The following EXOG variants were observed in gnomAD, a reference collection of about 807,000 sequenced individuals.
EXOG encodes exo/endonuclease G, also known as nuclease EXOG, mitochondrial.
Under a neutral mutation model 25.8 loss-of-function variants are expected in EXOG, and 27 were observed. The ratio of observed to expected loss-of-function variants is 1.05; its 90% CI spans 0.77 to 1.45. The LOEUF is 1.45. EXOG is among the 40% of genes most tolerant of loss of function. The probability of loss-of-function intolerance (pLI) is 0.00; values close to 1 mark genes in which losing one functional copy is unlikely to be tolerated. For missense variants in EXOG, 458 were observed against 450.5 expected (o/e 1.02, Z -0.15); for synonymous variants, 133 against 167.0 (o/e 0.80, Z 1.57).
intron 3 of EXOG, among the ~76,000 whole-genome samples, chr3:38,503,190 C>A (rs2125758409): frequency 6.6e-6 from 1 of 152,224 alleles, no homozygotes; most frequent in South Asian, 2.1e-4. Context: ...CACATAGTGG[C>A]CAGATATTCA....
At chr3:38,498,676 G>A in intron 2 of EXOG, 1 of 250,852 alleles carries the variant, frequency 4.0e-6, no homozygotes, top group South Asian at 4.7e-5. Flanking sequence ...GGTTGAATGT[G>A]CCATGGGATA....
At chr3:38,499,169 C>G (rs1238418071) in intron 2 of EXOG, among the ~76,000 whole-genome samples, 2 of 152,038 alleles carry the variant, frequency 1.3e-5, no homozygotes, top group African/African-American at 4.8e-5. Context: ...AGGATATTAC[C>G]TTTTGTCACA....
intron 5 of EXOG, among the ~76,000 whole-genome samples, chr3:38,517,816 G>A (rs6794397): frequency 0.5 from 75,551 of 151,978 alleles, 20,403 homozygotes; most frequent in African/African-American, 0.72. Flanking sequence ...ATTTCTGGAG[G>A]AGCATATGGT....
At chr3:38,515,429 C>A in intron 5 of EXOG, 1 of 159,246 alleles carries the variant, frequency 6.3e-6, no homozygotes, top group African/African-American at 2.4e-5. Context: ...TGCCCTGGAT[C>A]CCTCGAGGCC....
chr3:38,499,859 C>A, intron 2 of EXOG: 1 of 353,802 alleles, frequency 2.8e-6, no homozygotes, highest in Non-Finnish European at 5.6e-6. Context: ...TGGGAGAAAG[C>A]GAGAATCCAA....
At chr3:38,498,960 G>T (rs532616802) in intron 2 of EXOG, 68 of 456,560 alleles carry the variant, frequency 1.5e-4, no homozygotes, top group Non-Finnish European at 2.9e-4. Context: ...TAGCATCATT[G>T]TTTCTTCTCT....
intron 5 of EXOG, among the ~76,000 whole-genome samples, chr3:38,520,661 G>A (rs559312567): frequency 6.6e-6 from 1 of 152,100 alleles, no homozygotes; most frequent in Admixed American, 6.5e-5. Flanking sequence ...TGTATCTTTT[G>A]AATGATGTCC....
At chr3:38,511,797 A>G (rs2060378361) in intron 5 of EXOG, among the ~76,000 whole-genome samples, 1 of 152,230 alleles carries the variant, frequency 6.6e-6, no homozygotes, top group Non-Finnish European at 1.5e-5. Flanking sequence ...TTTAAAGTTC[A>G]GTTTTATCTG....
At chr3:38,498,297 C>T (rs1475906846) in intron 2 of EXOG, among the ~76,000 whole-genome samples, 2 of 151,796 alleles carry the variant, frequency 1.3e-5, no homozygotes, top group South Asian at 2.1e-4. Flanking sequence ...GGCGTGGTGG[C>T]TCACACCTGT....
Position 38,524,931 on chromosome 3 carries a change from G to T in EXOG, c.*569G>T, listed in dbSNP as rs2060835728. 1 of 985,572 alleles carries T rather than the reference G, an allele frequency of 1.0e-6. No homozygotes were observed. Among genetic ancestry groups the T allele is most frequent in the Non-Finnish European group, 1.2e-6 (1 of 830,074 alleles). The allele number at this position is 985,572 out of a possible 1,614,324, so 61.1% of individuals were successfully genotyped here. On this transcript the variant is annotated 3_prime_UTR_variant, in exon 6 of 6. Coordinates refer to ENST00000287675, the MANE Select transcript of EXOG (RefSeq NM_005107.4). ...CCCAGCCTTCTCAGAACTCAATGTT[G>T]TACATTTTTCCCTCTAGGACCTGAA...
chr3:38,519,215 T>G (rs938567389), intron 5 of EXOG: 1 of 152,198 alleles, frequency 6.6e-6, no homozygotes, highest in Non-Finnish European at 1.5e-5. Context: ...TTATCAGAAG[T>G]GAGTCATCTG....
At chr3:38,515,020 C>T (rs1357041085) in intron 5 of EXOG, among the ~76,000 whole-genome samples, 1 of 152,172 alleles carries the variant, frequency 6.6e-6, no homozygotes, top group African/African-American at 2.4e-5. Flanking sequence ...GATCCGCCTG[C>T]CTTAGCCTCC....
intron 1 of EXOG, chr3:38,497,349 A>G (rs1274046297): frequency 2.6e-6 from 3 of 1,152,808 alleles, no homozygotes; most frequent in African/African-American, 3.2e-5. Context: ...ATTTGATGTG[A>G]AAGACTAATA....
rs2060825800 is a variant in EXOG at position 38,524,495 on chromosome 3, A to T, written c.*133A>T. On this transcript the variant is annotated 3_prime_UTR_variant, in exon 6 of 6. Coordinates refer to ENST00000287675, the MANE Select transcript of EXOG (RefSeq NM_005107.4). ...TTAAGAGATGTGGTCTCGCCGTGTC[A>T]TCCAGGCTGGAGTGCAGTGGTGGAA... 7.1e-7 allele frequency: 1 copy of T among 1,405,326 alleles called. No homozygotes were observed. 87.1% of individuals were successfully genotyped at this position (1,405,326 alleles called of 1,614,324 possible).
At chr3:38,498,519 C>T (rs1056030366) in intron 2 of EXOG, among the ~76,000 whole-genome samples, 1 of 151,044 alleles carries the variant, frequency 6.6e-6, no homozygotes, top group Non-Finnish European at 1.5e-5. Context: ...CGCAGCACCA[C>T]ACTCCAGCTT....
rs1455822396 is a variant in EXOG, at chr3:38,496,406, C to T, written c.39C>T (p.Ser13=). 3 of 1,614,030 alleles carry T rather than the reference C, an allele frequency of 1.9e-6. No homozygotes were observed. The highest frequency in any genetic ancestry group is 2.7e-5 in the African/African-American group (2 of 75,058). ...GTATCGCTTCCCGCCTCCGGGGTTC[C>T]CGTCGTTTTCTGAGCGGCTTCGTGG... ...IKSIASRLRG[S]RRFLSGFVAG... is the part of the protein sequence containing the mutation. Residue 13 remains serine (S), a synonymous_variant, in exon 1 of 6, where the codon TCC becomes TCT. Coordinates refer to ENST00000287675, the MANE Select transcript of EXOG (RefSeq NM_005107.4).
intron 2 of EXOG, 156 bp downstream of exon 2, chr3:38,497,934 C>T (rs2059942715): frequency 1.0e-6 from 1 of 959,456 alleles, no homozygotes; most frequent in East Asian, 3.1e-5. Flanking sequence ...TCAACCCTGC[C>T]TGGCAGCCAG....
chr3:38,503,515 A>C, intron 3 of EXOG, 100 bp from the exon 4 acceptor site: 1 of 655,658 alleles, frequency 1.5e-6, no homozygotes, highest in Non-Finnish European at 2.7e-6. Context: ...GCCTAGCACT[A>C]ATGTTTAAAT....
chr3:38,501,686 AC>A (rs1193650497), intron 3 of EXOG, among the ~76,000 whole-genome samples, 192 bp downstream of exon 3: 2 of 152,218 alleles, frequency 1.3e-5, no homozygotes, highest in African/African-American at 4.8e-5. Context: ...AATGAGGAAA[AC>A]TAAGTGCTAT....
Sources: gnomAD v4.1 joint callset for allele counts (sites outside exome capture counted in the v4.1 genomes callset) on GRCh38, gnomAD v4.1.1 for gene constraint, MANE v1.5 for transcripts, NCBI Gene and HGNC (gene_info 2026-07-23, HGNC 2026-07-21) for gene names.